DGKE: variants seen among roughly 807,000 people sequenced by gnomAD.
The protein encoded by DGKE is DAG kinase epsilon.
A neutral mutation model predicts 70.0 loss-of-function variants in DGKE; 53 were observed. The observed-to-expected ratio is 0.76, with a 90% CI of 0.61 to 0.95. DGKE has a LOEUF of 0.95. Ranked by LOEUF, DGKE falls within the 40% of genes least tolerant of loss-of-function variation. DGKE has a pLI of 0.00. For synonymous variants in DGKE, 291 were observed against 257.0 expected, an observed-to-expected ratio of 1.13 and a Z score of -1.27; for missense variants, 655 against 706.9, an observed-to-expected ratio of 0.93 and a Z score of 0.83.
Position 56,835,119 on chromosome 17 carries a change from C to G in DGKE, c.324C>G (p.Cys108Trp). 1 of 1,613,984 alleles carries G rather than the reference C, an allele frequency of 6.2e-7. No individual in the cohort carries two copies. Residue 108 changes from cysteine to tryptophan, a missense_variant, in exon 2 of 12, where the codon TGC becomes TGG. Physicochemically the swap from Cys to Trp is radical, Grantham distance 215. Coordinates refer to ENST00000284061, the MANE Select transcript of DGKE (RefSeq NM_003647.3). ...GGAAGGCCGACAAGCGCTTCCAGTG[C>G]AAGGAGATTATGCTCAAGAATGACA... The part of the protein sequence containing the change: ...CLRKADKRFQ[C>W]KEIMLKNDTK...
intron 1 of DGKE, 71 bp from the exon 2 acceptor site, chr17:56,834,707 C>A (rs780231321): frequency 1.4e-6 from 2 of 1,436,586 alleles, no homozygotes; most frequent in Non-Finnish European, 1.9e-6. Context: ...GGTTTGGCCC[C>A]GGAAAGGCAG....
intron 7 of DGKE, 139 bp from the exon 8 acceptor site, chr17:56,856,373 T>C (rs1167626879): frequency 5.4e-6 from 5 of 919,626 alleles, no homozygotes; most frequent in East Asian, 5.4e-5. Context: ...CACTGGACAG[T>C]ATAAAATAGC....
chr17:56,850,675 G>A (rs886555669), intron 7 of DGKE, among the ~76,000 whole-genome samples: 1 of 152,156 alleles, frequency 6.6e-6, no homozygotes, highest in South Asian at 2.1e-4. Context: ...GCCTCTAAAA[G>A]ATCTTGTATA....
Position 56,847,944 on chromosome 17 carries a change from C to A in DGKE, c.767C>A (p.Pro256His). The change falls in exon 5 of 12, where the codon CCT becomes CAT. Residue 256 changes from proline (P) to histidine (H), a missense_variant. By Grantham distance (77) the Pro-to-His change is moderately conservative (BLOSUM62 -2). Transcript: ENST00000284061. ...PVQVFDVTKT[P>H]PIKALQLCTL... ...TAGGTTTTTGATGTAACTAAAACTC[C>A]TCCTATCAAAGCCCTACAACTCTGT... is the stretch of plus-strand genomic sequence containing the variant. 1 of 1,568,124 alleles carries A rather than the reference C, an allele frequency of 6.4e-7. No homozygotes were observed. Among genetic ancestry groups the A allele is most frequent in the Non-Finnish European group, 8.6e-7 (1 of 1,161,928 alleles).
chr17:56,858,706 G>A (rs1908103678), intron 9 of DGKE, 41 bp downstream of exon 9: 3 of 1,415,444 alleles, frequency 2.1e-6, no homozygotes, highest in East Asian at 2.3e-5. Flanking sequence ...GTTTTAGGTG[G>A]TCTCTGGATT....
In DGKE at chr17:56,864,545, A is replaced by G. The variant is rs1908453122; in HGVS notation, c.*1754A>G. 3 of 150,536 alleles carry G rather than the reference A, an allele frequency of 2.0e-5. No individual in the cohort carries two copies. The highest frequency in any genetic ancestry group is 4.4e-5 in the Non-Finnish European group (3 of 67,842). 9.3% of individuals were successfully genotyped at this position (150,536 alleles called of 1,614,324 possible). A position where few individuals can be genotyped will look rare whatever the true frequency, so the allele number is the denominator to read the frequency against. On this transcript the variant is annotated 3_prime_UTR_variant, in exon 12 of 12. Coordinates refer to ENST00000284061, the MANE Select transcript of DGKE (RefSeq NM_003647.3). The stretch of plus-strand genomic sequence containing the variant: ...GCAGATCTGTTTTCAGCTTCTTTAT[A>G]TACCTTTCATGGTAAGTAACCATGG...
chr17:56,844,476 G>A (rs1309674744), intron 3 of DGKE, among the ~76,000 whole-genome samples: 1 of 152,116 alleles, frequency 6.6e-6, no homozygotes, highest in East Asian at 1.9e-4. Flanking sequence ...GATTTAGGGA[G>A]CTTTTTAAAA....
chr17:56,862,474 A>G (rs971927579), intron 11 of DGKE, 138 bp from the exon 12 acceptor site: 2 of 937,318 alleles, frequency 2.1e-6, no homozygotes, highest in African/African-American at 3.3e-5. Context: ...TTAATCAATG[A>G]ATAAAAACAT....
intron 2 of DGKE, among the ~76,000 whole-genome samples, chr17:56,837,797 G>A (rs949450179): frequency 1.3e-5 from 2 of 152,160 alleles, no homozygotes; most frequent in African/African-American, 4.8e-5. Context: ...ACATTTCAAA[G>A]GACACTAATG....
intron 1 of DGKE, 28 bp from the exon 2 acceptor site, chr17:56,834,750 G>A: frequency 6.5e-7 from 1 of 1,534,242 alleles, no homozygotes; most frequent in Non-Finnish European, 8.8e-7. Flanking sequence ...CGAGCTCGGG[G>A]TGCACCGCCT....
chr17:56,854,305 T>A (rs190971552), intron 7 of DGKE, among the ~76,000 whole-genome samples: 141 of 152,082 alleles, frequency 9.3e-4, no homozygotes, highest in Non-Finnish European at 1.5e-3. Flanking sequence ...GAGAGGTTTT[T>A]TGTTTTTGTT....
rs772525610 is a variant in DGKE at position 56,848,869 on chromosome 17, C to T, written c.1046+16C>T. On this transcript the variant is annotated intron_variant, in intron 6 of 11. Coordinates refer to ENST00000284061, the MANE Select transcript of DGKE (RefSeq NM_003647.3). ...AACTAGATCGGTAAGTTACGTTTCC[C>T]CAAAAAGTAGATTTCTTGAGATTTA... 2 of 1,613,360 alleles carry T rather than the reference C, an allele frequency of 1.2e-6. No homozygotes were observed. Among genetic ancestry groups the T allele is most frequent in the East Asian group, 2.2e-5 (1 of 44,874 alleles).
Position 56,862,597 on chromosome 17 carries a change from G to C in DGKE, c.1525-15G>C. On this transcript the variant is annotated splice_polypyrimidine_tract_variant and intron_variant, in intron 11 of 11. Coordinates refer to ENST00000284061, the MANE Select transcript of DGKE (RefSeq NM_003647.3). The stretch of plus-strand genomic sequence containing the variant: ...GGGGACTGACTTTTAAACATTATTT[G>C]TTCCCTAATATCAGCTGATTTTGAA... 1 of 1,499,770 alleles carries C rather than the reference G, an allele frequency of 6.7e-7. No individual in the cohort carries two copies. Among genetic ancestry groups the C allele is most frequent in the South Asian group, 1.4e-5 (1 of 72,426 alleles). 92.9% of individuals were successfully genotyped at this position (1,499,770 alleles called of 1,614,324 possible). A position where few individuals can be genotyped will look rare whatever the true frequency, so the allele number is the denominator to read the frequency against.
chr17:56,846,666 C>T (rs1196569429), intron 4 of DGKE, among the ~76,000 whole-genome samples: 1 of 106,664 alleles, frequency 9.4e-6, no homozygotes, highest in African/African-American at 3.4e-5. Context: ...TTAAAGACAA[C>T]CCATTGTGTA....
chr17:56,835,122 GGA>G lies in DGKE; in HGVS notation c.330_331del (p.Glu110AspfsTer6). 1 of 1,613,970 alleles carries G rather than the reference GGA, an allele frequency of 6.2e-7. No homozygotes were observed. The highest frequency in any genetic ancestry group is 8.5e-7 in the Non-Finnish European group (1 of 1,180,004). On this transcript the variant is annotated frameshift_variant, in exon 2 of 12. Transcript: ENST00000284061. LOFTEE classifies it high-confidence loss of function. ...AGGCCGACAAGCGCTTCCAGTGCAA[GGA>G]GATTATGCTCAAGAATGACACCAAG... ...RKADKRFQCK[E>X]IMLKNDTKVL...
chr17:56,855,905 C>G (rs1907911884), intron 7 of DGKE, among the ~76,000 whole-genome samples: 1 of 150,690 alleles, frequency 6.6e-6, no homozygotes, highest in Non-Finnish European at 1.5e-5. Context: ...ACTCAGGAGG[C>G]TGAGGCAGGA....
intron 7 of DGKE, among the ~76,000 whole-genome samples, chr17:56,851,866 AG>A (rs2144255355): frequency 6.6e-6 from 1 of 152,352 alleles, no homozygotes; most frequent in African/African-American, 2.4e-5. Flanking sequence ...ATTCGGTATC[AG>A]ATTGGAAAGT....
At chr17:56,846,645 A>G (rs1287104730) in intron 4 of DGKE, among the ~76,000 whole-genome samples, 4 of 97,544 alleles carry the variant, frequency 4.1e-5, no homozygotes, top group South Asian at 3.0e-4. Context: ...ACAAAAAAAT[A>G]CAAAAAAATT....
At chr17:56,860,982 C>A (rs544854696) in intron 9 of DGKE, among the ~76,000 whole-genome samples, 1 of 152,156 alleles carries the variant, frequency 6.6e-6, no homozygotes, top group Non-Finnish European at 1.5e-5. Context: ...TAGAGGATGA[C>A]ATATTTGCAT....
Sources: allele counts gnomAD v4.1 joint callset (sites outside exome capture counted in the v4.1 genomes callset), GRCh38; gene constraint gnomAD v4.1.1; transcripts MANE v1.5; gene names NCBI Gene and HGNC (gene_info 2026-07-23, HGNC 2026-07-21).